Variants in FILIP1L observed in about 807,000 individuals in gnomAD.
The protein encoded by FILIP1L is filamin A-interacting protein 1-like.
In FILIP1L, 55 loss-of-function variants were observed where a neutral mutation model predicts 96.6. The ratio of observed to expected loss-of-function variants is 0.57; its 90% CI spans 0.46 to 0.71. FILIP1L has a LOEUF of 0.71. Ranked by LOEUF, FILIP1L falls within the 30% of genes least tolerant of loss-of-function variation. FILIP1L has a pLI of 0.00. For missense variants in FILIP1L, 1,304 were observed against 1,321.2 expected (o/e 0.99, Z 0.20); for synonymous variants, 467 against 473.9 (o/e 0.99, Z 0.19).
rs111443929 is a variant in FILIP1L, at chr3:99,875,302, G to T, written c.606-24232C>A. Among the ~76,000 whole-genome samples, 281 of 152,206 alleles carry T rather than the reference G, an allele frequency of 1.8e-3. 1 individual carries two copies. Among genetic ancestry groups the T allele is most frequent in the African/African-American group, 6.5e-3 (270 of 41,544 alleles). On this transcript the variant is annotated intron_variant, in intron 4 of 5. Transcript: ENST00000477258. ...CAGGATTTAGATGTAACTAATTATG[G>T]TTTAAAATGTTACTGATTAATACAG...
intron 1 of FILIP1L, among the ~76,000 whole-genome samples, chr3:99,993,823 C>T (rs1576627513): frequency 1.3e-5 from 2 of 152,186 alleles, no homozygotes; most frequent in Non-Finnish European, 2.9e-5. Flanking sequence ...TGGGATAAAT[C>T]GTACTTGATC....
chr3:99,873,748 G>C (rs1705361657), intron 4 of FILIP1L, among the ~76,000 whole-genome samples: 2 of 152,120 alleles, frequency 1.3e-5, no homozygotes, highest in African/African-American at 4.8e-5. Flanking sequence ...AACTGCAAGA[G>C]AACCGGAAAA....
chr3:99,938,273 C>T (rs995213304), intron 1 of FILIP1L, among the ~76,000 whole-genome samples: 1 of 152,220 alleles, frequency 6.6e-6, no homozygotes, highest in Non-Finnish European at 1.5e-5. Flanking sequence ...GTATGCACTA[C>T]ACTATTTTTT....
intron 1 of FILIP1L, among the ~76,000 whole-genome samples, chr3:99,957,710 T>A: frequency 7.6e-6 from 1 of 132,346 alleles, no homozygotes; most frequent in Non-Finnish European, 1.6e-5. Flanking sequence ...TTTTTTTTTT[T>A]TTTTTTTTTT....
intron 1 of FILIP1L, among the ~76,000 whole-genome samples, chr3:100,039,112 G>A (rs1158565392): frequency 3.9e-5 from 6 of 152,196 alleles, no homozygotes; most frequent in Non-Finnish European, 8.8e-5. Flanking sequence ...GCTTTCACCA[G>A]TGTTGTATTG....
At chr3:99,899,584 C>G (rs1234467832) in intron 4 of FILIP1L, among the ~76,000 whole-genome samples, 1 of 152,026 alleles carries the variant, frequency 6.6e-6, no homozygotes, top group African/African-American at 2.4e-5. Context: ...TTTCCTAACC[C>G]CTATTGCATT....
intron 4 of FILIP1L, among the ~76,000 whole-genome samples, chr3:99,880,548 T>C (rs1177249880): frequency 1.3e-5 from 2 of 152,198 alleles, no homozygotes; most frequent in Admixed American, 1.3e-4. Context: ...CAGTGACATA[T>C]GTACCTTGAG....
In FILIP1L at chr3:99,863,954, C is replaced by T. The variant is rs77583463; in HGVS notation, c.606-12884G>A. On this transcript the variant is annotated intron_variant, in intron 4 of 5. Transcript: ENST00000477258. The stretch of plus-strand genomic sequence containing the variant: ...TTTCTTGGAGATCTTTCCATTGGAT[C>T]AGTGTTCTTAAGCAGGAGCAGGAAA... 8.8e-3 allele frequency among the ~76,000 whole-genome samples: 1,345 copies of T among 152,214 alleles called. 12 individuals are homozygous for T. The highest frequency in any genetic ancestry group is 0.014 in the Non-Finnish European group (924 of 68,006).
chr3:100,006,655 CA>C lies in FILIP1L; in HGVS notation c.-10-75626del, dbSNP rs201648197. Among the ~76,000 whole-genome samples, 199 of 133,880 alleles carry C rather than the reference CA, an allele frequency of 1.5e-3. 2 individuals are homozygous for C. Among genetic ancestry groups the C allele is most frequent in the Admixed American group, 3.4e-3 (45 of 13,338 alleles). The allele number at this position is 133,880 out of a possible 152,430, so 87.8% of individuals were successfully genotyped here. On this transcript the variant is annotated intron_variant, in intron 1 of 5. Coordinates refer to ENST00000477258, the MANE Select transcript of FILIP1L (RefSeq NM_001387850.1). ...TCATTTATCTTACATCTTTTCTTTC[CA>C]AAAAAAAAAAAAAATTCCAGCTTGG...
intron 1 of FILIP1L, among the ~76,000 whole-genome samples, chr3:100,087,401 C>T (rs2107421599): frequency 6.6e-6 from 1 of 152,260 alleles, no homozygotes; most frequent in East Asian, 1.9e-4. Flanking sequence ...TTTTGGTTGA[C>T]TGGGTTTTGT....
chr3:100,005,547 A>G (rs1319786277), intron 1 of FILIP1L, among the ~76,000 whole-genome samples: 1 of 152,246 alleles, frequency 6.6e-6, no homozygotes, highest in African/African-American at 2.4e-5. Context: ...ATGTGAGTGT[A>G]GTGTAATAAA....
intron 4 of FILIP1L, among the ~76,000 whole-genome samples, chr3:99,915,899 G>T (rs1175998367): frequency 6.6e-6 from 1 of 152,210 alleles, no homozygotes; most frequent in East Asian, 1.9e-4. Context: ...TTAGAACCCA[G>T]TATAGGGTCT....
chr3:100,044,886 C>G (rs899776059), intron 1 of FILIP1L, among the ~76,000 whole-genome samples: 2 of 152,156 alleles, frequency 1.3e-5, no homozygotes, highest in Non-Finnish European at 2.9e-5. Context: ...ACTAGTGGCT[C>G]TCTGCTTTGG....
chr3:100,016,776 T>C (rs1436270518), intron 1 of FILIP1L, among the ~76,000 whole-genome samples: 1 of 152,236 alleles, frequency 6.6e-6, no homozygotes, highest in African/African-American at 2.4e-5. Flanking sequence ...AAAGTTGCTA[T>C]AAACTTATAA....
At chr3:99,950,304 T>G (rs1029285843) in intron 1 of FILIP1L, among the ~76,000 whole-genome samples, 16 of 152,234 alleles carry the variant, frequency 1.1e-4, no homozygotes, top group African/African-American at 3.9e-4. Flanking sequence ...TCTTACTAAA[T>G]GTTAGAAATT....
chr3:100,081,413 A>C (rs2065929908), intron 1 of FILIP1L, among the ~76,000 whole-genome samples: 1 of 152,178 alleles, frequency 6.6e-6, no homozygotes, highest in South Asian at 2.1e-4. Flanking sequence ...TCATACTCTT[A>C]AGCAAATTTT....
chr3:99,916,988 A>C (rs563606992), intron 4 of FILIP1L, among the ~76,000 whole-genome samples: 6 of 152,150 alleles, frequency 3.9e-5, no homozygotes, highest in Non-Finnish European at 8.8e-5. Flanking sequence ...ATGAGGCAAA[A>C]ATTTCTATTT....
chr3:99,990,250 T>C (rs550176388), intron 1 of FILIP1L, among the ~76,000 whole-genome samples: 14 of 152,138 alleles, frequency 9.2e-5, no homozygotes, highest in Non-Finnish European at 1.8e-4. Flanking sequence ...GAGGCAAAGA[T>C]AGACAGAAAG....
chr3:100,003,478 A>G (rs1414229188), intron 1 of FILIP1L, among the ~76,000 whole-genome samples: 3 of 152,192 alleles, frequency 2.0e-5, no homozygotes, highest in East Asian at 3.9e-4. Context: ...ATGCGTTCAC[A>G]TGCATTTTTT....
Sources: allele counts gnomAD v4.1 joint callset (sites outside exome capture counted in the v4.1 genomes callset), GRCh38; gene constraint gnomAD v4.1.1; transcripts MANE v1.5; gene names NCBI Gene and HGNC (gene_info 2026-07-23, HGNC 2026-07-21).